The following MYO9A variants were observed in gnomAD, a reference collection of about 807,000 sequenced individuals.
The protein encoded by MYO9A is myosin IXA.
Under a neutral mutation model 293.3 loss-of-function variants are expected in MYO9A, and 103 were observed. The ratio of observed to expected loss-of-function variants is 0.35; its 90% CI spans 0.30 to 0.41. The LOEUF is 0.41. Ranked by LOEUF, MYO9A falls within the 10% of genes least tolerant of loss-of-function variation. The pLI is 1.00. For synonymous variants in MYO9A, 1,001 were observed against 1,035.7 expected (o/e 0.97, Z 0.64); for missense variants, 2,685 against 3,033.0 (o/e 0.89, Z 2.69).
intron 14 of MYO9A, among the ~76,000 whole-genome samples, chr15:71,956,352 A>ATATATATATATATAT (rs1346560683): frequency 6.2e-5 from 4 of 64,890 alleles, no homozygotes; most frequent in Non-Finnish European, 1.1e-4. Flanking sequence ...TATATATATA[A>ATATATATATATATAT]AATACGCCCA....
chr15:72,099,352 A>C (rs1424225670), intron 1 of MYO9A, among the ~76,000 whole-genome samples: 3 of 147,142 alleles, frequency 2.0e-5, no homozygotes, highest in African/African-American at 7.5e-5. Context: ...AGTCACAACA[A>C]TCGCTTGAAC....
intron 1 of MYO9A, among the ~76,000 whole-genome samples, chr15:72,090,373 C>T (rs2150579338): frequency 6.6e-6 from 1 of 152,046 alleles, no homozygotes; most frequent in Admixed American, 6.6e-5. Flanking sequence ...TGATATGATA[C>T]AGTTAATATT....
intron 1 of MYO9A, among the ~76,000 whole-genome samples, chr15:72,080,542 AG>A (rs1871110688): frequency 2.6e-5 from 4 of 152,204 alleles, no homozygotes; most frequent in Admixed American, 2.6e-4. Context: ...AAAAATGCAA[AG>A]ATCCTCCCAG....
chr15:72,016,837 G>C (rs2077354159), intron 6 of MYO9A, among the ~76,000 whole-genome samples: 1 of 151,980 alleles, frequency 6.6e-6, no homozygotes, highest in Admixed American at 6.6e-5. Context: ...TTCAATGGTG[G>C]CAACAACATT....
At chr15:71,941,724 T>G (rs73434364) in intron 15 of MYO9A, among the ~76,000 whole-genome samples, 4 of 151,976 alleles carry the variant, frequency 2.6e-5, no homozygotes, top group African/African-American at 9.7e-5. Flanking sequence ...GAGAATCAAA[T>G]TGCTGAATGC....
chr15:71,827,817 G>C (rs2054570176), intron 41 of MYO9A, 67 bp downstream of exon 41: 10 of 1,502,910 alleles, frequency 6.7e-6, no homozygotes, highest in Middle Eastern at 2.4e-4. Flanking sequence ...CTTTGTCTTA[G>C]TTTTGGAATC....
intron 1 of MYO9A, among the ~76,000 whole-genome samples, chr15:72,063,349 T>A (rs1264196155): frequency 6.6e-6 from 1 of 152,194 alleles, no homozygotes; most frequent in Non-Finnish European, 1.5e-5. Context: ...CAAAGATTTG[T>A]TGAGTAATAC....
intron 19 of MYO9A, among the ~76,000 whole-genome samples, chr15:71,906,465 T>C (rs2057644115): frequency 1.3e-5 from 2 of 152,180 alleles, no homozygotes; most frequent in Non-Finnish European, 2.9e-5. Context: ...TATCAGTTTT[T>C]GGTTCAGATA....
intron 39 of MYO9A, among the ~76,000 whole-genome samples, chr15:71,835,463 C>T (rs567362611): frequency 1.3e-5 from 2 of 151,970 alleles, no homozygotes; most frequent in African/African-American, 4.8e-5. Flanking sequence ...ATGAAAAATA[C>T]CAAAATCAAT....
intron 1 of MYO9A, among the ~76,000 whole-genome samples, chr15:72,052,371 G>A (rs931291626): frequency 6.6e-5 from 10 of 152,150 alleles, no homozygotes; most frequent in African/African-American, 1.7e-4. Context: ...TCTATCACTC[G>A]ATAAAGCTCC....
chr15:71,962,305 A>G (rs972125088), intron 13 of MYO9A, among the ~76,000 whole-genome samples: 3 of 152,228 alleles, frequency 2.0e-5, no homozygotes, highest in African/African-American at 7.2e-5. Context: ...TCAGAATTCT[A>G]TGAGAAACAT....
chr15:71,945,188 T>C (rs1392135626), intron 15 of MYO9A, among the ~76,000 whole-genome samples: 1 of 152,166 alleles, frequency 6.6e-6, no homozygotes, highest in African/African-American at 2.4e-5. Flanking sequence ...CAAGAGGTTG[T>C]ATTCAAGCTA....
intron 32 of MYO9A, among the ~76,000 whole-genome samples, chr15:71,868,337 A>G (rs2056404306): frequency 6.6e-6 from 1 of 152,072 alleles, no homozygotes; most frequent in Non-Finnish European, 1.5e-5. Flanking sequence ...AGTCCTTCTC[A>G]TGCTTGTATT....
At position 71,827,766 on chromosome 15, in the gene MYO9A, CTT is replaced by C. The variant is rs751657702; in HGVS notation, c.7183+116_7183+117del. The C allele has an allele frequency of 2.2e-5, 26 of 1,178,056 alleles. No homozygotes were observed. The Admixed American group carries it at 3.3e-4, about 15-fold the overall frequency. The allele number at this position is 1,178,056 out of a possible 1,614,324, so 73.0% of individuals were successfully genotyped here. On this transcript the variant is annotated intron_variant, in intron 41 of 41. Coordinates refer to ENST00000356056, the MANE Select transcript of MYO9A (RefSeq NM_006901.4). The stretch of plus-strand genomic sequence containing the variant: ...GATAAAAGGACAAAATTCCTCAAGA[CTT>C]TGTTATTGCTGATGTACAGTCAGTA...
In MYO9A at chr15:72,089,853, T is replaced by A. The variant is rs535022397; in HGVS notation, c.-72+27827A>T. 8.5e-5 allele frequency among the ~76,000 whole-genome samples: 13 copies of A among 152,304 alleles called. No homozygotes were observed. The East Asian group carries it at 2.5e-3, about 29-fold the overall frequency. ...TACCACTTACTAAAAAGTTCAAACT[T>A]AAAAGTTTCTCTGGGTTTTGGTCCT... On this transcript the variant is annotated intron_variant, in intron 1 of 41. Transcript: ENST00000356056.
intron 10 of MYO9A, 64 bp from the exon 11 acceptor site, chr15:71,991,301 A>G: frequency 2.2e-6 from 3 of 1,341,030 alleles, no homozygotes; most frequent in Non-Finnish European, 3.1e-6. Context: ...AATAATATCC[A>G]CAACATAAGT....
intron 1 of MYO9A, among the ~76,000 whole-genome samples, chr15:72,109,829 G>T (rs560222471): frequency 1.3e-5 from 2 of 151,814 alleles, no homozygotes; most frequent in East Asian, 3.9e-4. Flanking sequence ...CTCGAAAGTG[G>T]AGGCTGCAGT....
At chr15:71,936,148 A>C (rs1043892341) in intron 16 of MYO9A, among the ~76,000 whole-genome samples, 1 of 152,126 alleles carries the variant, frequency 6.6e-6, no homozygotes, top group Non-Finnish European at 1.5e-5. Context: ...AAAAAGAATA[A>C]AATCCTATCA....
intron 1 of MYO9A, among the ~76,000 whole-genome samples, chr15:72,080,000 G>C (rs1172297076): frequency 6.6e-6 from 1 of 152,104 alleles, no homozygotes; most frequent in Non-Finnish European, 1.5e-5. Context: ...TGATTGATCA[G>C]GCAAGGAACA....
Sources: gnomAD v4.1 joint callset for allele counts (sites outside exome capture counted in the v4.1 genomes callset) on GRCh38, gnomAD v4.1.1 for gene constraint, MANE v1.5 for transcripts, NCBI Gene and HGNC (gene_info 2026-07-23, HGNC 2026-07-21) for gene names.